The following ASB11 variants were observed in gnomAD, a reference collection of about 807,000 sequenced individuals.
ASB11 encodes ankyrin repeat and SOCS box containing 11, also known as ankyrin repeat and SOCS box protein 11.
Under a neutral mutation model 20.1 loss-of-function variants are expected in ASB11, and 17 were observed. The ratio of observed to expected loss-of-function variants is 0.85; its 90% CI spans 0.58 to 1.27. The LOEUF is 1.27. Among genes scored for constraint, ASB11 ranks in the 50% most tolerant of loss-of-function variants. ASB11 has a pLI of 0.00. For synonymous variants in ASB11, 107 were observed against 105.6 expected (o/e 1.01, Z -0.08); for missense variants, 259 against 256.9 (o/e 1.01, Z -0.06).
chrX:15,285,165 A>G (rs73635076), intron 6 of ASB11, among the ~76,000 whole-genome samples: 1,065 of 92,403 alleles, frequency 0.012, 16 homozygotes, highest in African/African-American at 0.043. Context: ...TTTTTTTGAC[A>G]GAATCTCACT....
In ASB11 at chrX:15,282,033, G is replaced by A. The variant is rs1332969779; in HGVS notation, c.*1472C>T. ...TCTTTGTTGCTGGCTCCTGTGCACTGTAGGGTGATTAGCTGCATCCCTGAT... is the reference window on the plus strand; with the variant it reads ...TCTTTGTTGCTGGCTCCTGTGCACTATAGGGTGATTAGCTGCATCCCTGAT... On this transcript the variant is annotated 3_prime_UTR_variant, in exon 7 of 7. Coordinates refer to ENST00000480796, the MANE Select transcript of ASB11 (RefSeq NM_080873.3). 9.0e-6 allele frequency: 1 copy of A among 111,353 alleles called. No homozygotes were observed. The highest frequency in any genetic ancestry group is 3.3e-5 in the African/African-American group (1 of 30,632). The allele number at this position is 111,353 out of a possible 1,213,427, so 9.2% of individuals were successfully genotyped here. A position where few individuals can be genotyped will look rare whatever the true frequency, so the allele number is the denominator to read the frequency against.
At chrX:15,292,049 A>AG (rs1433449237) in intron 4 of ASB11, 17 of 110,017 alleles carry the variant, frequency 1.5e-4, no homozygotes, top group African/African-American at 5.3e-4. Context: ...AAAAAAAAAA[A>AG]GAAAGAAAGA....
intron 6 of ASB11, among the ~76,000 whole-genome samples, chrX:15,286,409 G>C: frequency 9.1e-6 from 1 of 110,031 alleles, no homozygotes; most frequent in East Asian, 2.8e-4. Flanking sequence ...GCTCACACCT[G>C]TAATCCCAGC....
intron 3 of ASB11, among the ~76,000 whole-genome samples, chrX:15,295,890 C>T (rs1345350939): frequency 8.9e-6 from 1 of 111,866 alleles, no homozygotes; most frequent in Non-Finnish European, 1.9e-5. Flanking sequence ...AGCCTTCCTT[C>T]ATCATTACCC....
At chrX:15,300,465 T>C (rs1004518918) in intron 2 of ASB11, among the ~76,000 whole-genome samples, 1 of 112,614 alleles carries the variant, frequency 8.9e-6, no homozygotes, top group African/African-American at 3.2e-5. Context: ...TTTATAAAAG[T>C]AGACAAATAC....
chrX:15,287,995 G>A lies in ASB11; in HGVS notation c.733C>T (p.His245Tyr), dbSNP rs749788594. 1 of 1,212,020 alleles carries A rather than the reference G, an allele frequency of 8.3e-7. No homozygotes were observed. The highest frequency in any genetic ancestry group is 1.1e-6 in the Non-Finnish European group (1 of 895,537). Residue 245 changes from histidine (H) to tyrosine (Y), a missense_variant, in exon 6 of 7, where the codon CAC (histidine) becomes TAC (tyrosine). His to Tyr is a moderately conservative substitution (Grantham distance 83). Coordinates refer to ENST00000480796, the MANE Select transcript of ASB11 (RefSeq NM_080873.3). ...TTAGCTCCATAGTCGGTTAGCAGGT[G>A]GATGACCTCCACATTGGACTGCCTC... ...AARQSNVEVI[H>Y]LLTDYGANLK...
At chrX:15,295,352 A>C (rs916454243) in intron 3 of ASB11, among the ~76,000 whole-genome samples, 6 of 112,504 alleles carry the variant, frequency 5.3e-5, no homozygotes, top group Non-Finnish European at 1.1e-4. Flanking sequence ...AAAAGAAATC[A>C]TTTTGAAAAT....
intron 2 of ASB11, among the ~76,000 whole-genome samples, chrX:15,300,277 G>A (rs1188059819): frequency 1.8e-5 from 2 of 111,777 alleles, no homozygotes; most frequent in African/African-American, 6.5e-5. Context: ...AAATGGAGGA[G>A]TAGAATGTTC....
chrX:15,287,825 A>C (rs1216544497), intron 6 of ASB11, 56 bp downstream of exon 6: 20 of 1,116,232 alleles, frequency 1.8e-5, no homozygotes, highest in Non-Finnish European at 2.4e-5. Flanking sequence ...CAGATGAGAC[A>C]GGAAGGGGAG....
chrX:15,299,970 A>C (rs916486092), intron 2 of ASB11, among the ~76,000 whole-genome samples: 4 of 111,930 alleles, frequency 3.6e-5, no homozygotes, highest in African/African-American at 1.3e-4. Flanking sequence ...CTTCATCATA[A>C]GGCCTCTTTT....
chrX:15,284,290 A>G (rs913818973), intron 6 of ASB11, among the ~76,000 whole-genome samples: 2 of 109,514 alleles, frequency 1.8e-5, no homozygotes, highest in African/African-American at 3.3e-5. Context: ...AAAGAAAGTA[A>G]TACACTGGCC....
intron 1 of ASB11, among the ~76,000 whole-genome samples, chrX:15,304,546 C>A (rs970161751): frequency 2.7e-5 from 3 of 112,097 alleles, no homozygotes; most frequent in Admixed American, 9.5e-5. Flanking sequence ...GATCCCAGGT[C>A]TGGGCCAGGT....
At chrX:15,294,316 ATAATCAGGATTC>A (rs1299832432) in intron 3 of ASB11, among the ~76,000 whole-genome samples, 2 of 112,311 alleles carry the variant, frequency 1.8e-5, no homozygotes, top group African/African-American at 6.5e-5. Context: ...CATGCTTGTG[ATAATCAGGATTC>A]TAAATGTCCT....
chrX:15,298,248 A>T (rs1307148991), intron 2 of ASB11, among the ~76,000 whole-genome samples: 1 of 111,883 alleles, frequency 8.9e-6, no homozygotes, highest in Non-Finnish European at 1.9e-5. Context: ...CTAAGACTTG[A>T]AGCATAAAAT....
At chrX:15,305,218 T>C (rs1056743352) in intron 1 of ASB11, among the ~76,000 whole-genome samples, 2 of 111,941 alleles carry the variant, frequency 1.8e-5, no homozygotes, top group African/African-American at 6.5e-5. Context: ...TGTCATCTGA[T>C]GGAATGCGAT....
At chrX:15,313,779 C>T (rs1292414578) in intron 1 of ASB11, among the ~76,000 whole-genome samples, 2 of 110,771 alleles carry the variant, frequency 1.8e-5, no homozygotes, top group Non-Finnish European at 3.8e-5. Context: ...AGGCCGGGCG[C>T]GGTGGCTCAC....
chrX:15,298,178 G>A (rs1020620571), intron 2 of ASB11, among the ~76,000 whole-genome samples: 1 of 111,991 alleles, frequency 8.9e-6, no homozygotes, highest in Admixed American at 9.5e-5. Flanking sequence ...TGGGAGCATA[G>A]GATATCCTTG....
intron 2 of ASB11, among the ~76,000 whole-genome samples, chrX:15,299,795 G>C (rs1195476690): frequency 1.8e-5 from 2 of 111,140 alleles, no homozygotes; most frequent in Non-Finnish European, 3.8e-5. Flanking sequence ...TCCCAGCCGA[G>C]TCCTGCTTTT....
At chrX:15,302,912 A>ACC in intron 1 of ASB11, 105 bp from the exon 2 acceptor site, 1 of 676,340 alleles carries the variant, frequency 1.5e-6, no homozygotes, top group Admixed American at 2.6e-5. Context: ...AGAGGAGGGA[A>ACC]GAGGAGGGAA....
Sources: gnomAD v4.1 joint callset for allele counts (sites outside exome capture counted in the v4.1 genomes callset) on GRCh38, gnomAD v4.1.1 for gene constraint, MANE v1.5 for transcripts, NCBI Gene and HGNC (gene_info 2026-07-23, HGNC 2026-07-21) for gene names.